NSD2: variants seen among roughly 807,000 people sequenced by gnomAD.
NSD2 encodes the protein nuclear receptor binding SET domain protein 2.
NSD2 carries 12 observed loss-of-function variants against 139.0 expected under a neutral mutation model. That is an observed-to-expected ratio of 0.09 (90% CI 0.06 to 0.14). The LOEUF is 0.14. NSD2 is among the 10% of genes least tolerant of loss of function. NSD2 has a pLI of 1.00. For missense variants in NSD2, 1,155 were observed against 1,745.0 expected (o/e 0.66, Z 6.02); for synonymous variants, 669 against 648.7 (o/e 1.03, Z -0.48).
At chr4:1,917,476 C>T (rs2108801825) in intron 4 of NSD2, among the ~76,000 whole-genome samples, 1 of 152,260 alleles carries the variant, frequency 6.6e-6, no homozygotes, top group South Asian at 2.1e-4. Context: ...ACTCTTGTCG[C>T]CCAGGCTGGA....
chr4:1,907,802 G>A (rs1718131605), intron 3 of NSD2, among the ~76,000 whole-genome samples: 1 of 152,040 alleles, frequency 6.6e-6, no homozygotes, highest in African/African-American at 2.4e-5. Context: ...TAGTACAAAT[G>A]GGGTTTCACC....
rs761314503 is a variant in NSD2 at position 1,981,154 on chromosome 4, A to G, written c.*2245A>G. The G allele has an allele frequency of 8.6e-6, 2 of 233,144 alleles. No individual in the cohort carries two copies. Among genetic ancestry groups the G allele is most frequent in the Non-Finnish European group, 1.7e-5 (2 of 118,050 alleles). The allele number at this position is 233,144 out of a possible 1,614,324, so 14.4% of individuals were successfully genotyped here. On this transcript the variant is annotated 3_prime_UTR_variant, in exon 22 of 22. Coordinates refer to ENST00000508803, the MANE Select transcript of NSD2 (RefSeq NM_001042424.3). ...TTTGATAATACTTCCAAATTTTATG[A>G]TTTTTCTGAAGGAAATAATGCAAAC...
At chr4:1,951,303 C>T (rs1010999989) in intron 10 of NSD2, 100 bp downstream of exon 10, 7 of 1,510,792 alleles carry the variant, frequency 4.6e-6, no homozygotes, top group African/African-American at 1.4e-5. Flanking sequence ...CCACCAGACC[C>T]CTTCCCCAAT....
chr4:1,892,429 C>A (rs1715651555), intron 1 of NSD2, among the ~76,000 whole-genome samples: 1 of 152,168 alleles, frequency 6.6e-6, no homozygotes, highest in South Asian at 2.1e-4. Context: ...AGCCCCTTAA[C>A]GTGTCAGGTA....
At chr4:1,947,860 A>G in intron 9 of NSD2, 1 of 1,053,094 alleles carries the variant, frequency 9.5e-7, no homozygotes, top group African/African-American at 1.7e-5. Context: ...AAAAATTAAA[A>G]ACTCAATGTG....
At chr4:1,928,547 A>G (rs187777470) in intron 5 of NSD2, among the ~76,000 whole-genome samples, 1 of 152,270 alleles carries the variant, frequency 6.6e-6, no homozygotes, top group African/African-American at 2.4e-5. Context: ...TTAACCTCAG[A>G]TGATGATGAC....
At chr4:1,975,665 G>A (rs1024671062) in intron 20 of NSD2, 9 of 398,974 alleles carry the variant, frequency 2.3e-5, no homozygotes, top group Admixed American at 1.6e-4. Flanking sequence ...GGGCAGGGCC[G>A]TGCGCCCTCT....
chr4:1,885,301 A>C (rs905745512), intron 1 of NSD2, among the ~76,000 whole-genome samples: 4 of 152,188 alleles, frequency 2.6e-5, no homozygotes, highest in African/African-American at 7.2e-5. Flanking sequence ...TAAAGGGCAG[A>C]AACAAGACAT....
intron 18 of NSD2, among the ~76,000 whole-genome samples, chr4:1,971,944 TCA>T (rs1023897211): frequency 2.0e-5 from 3 of 152,168 alleles, no homozygotes; most frequent in Non-Finnish European, 4.4e-5. Context: ...CAGCTGATGC[TCA>T]GTGAGCCAGA....
At chr4:1,887,195 G>A (rs1715178169) in intron 1 of NSD2, among the ~76,000 whole-genome samples, 1 of 152,198 alleles carries the variant, frequency 6.6e-6, no homozygotes, top group African/African-American at 2.4e-5. Flanking sequence ...ATTCTTCCCA[G>A]TGTGGTCTAT....
chr4:1,887,204 A>G lies in NSD2; in HGVS notation c.-29-13422A>G, dbSNP rs1277565631. Among the ~76,000 whole-genome samples the G allele has an allele frequency of 5.3e-5, 8 of 152,240 alleles. No homozygotes were observed. The East Asian group carries it at 1.2e-3, about 22-fold the overall frequency. On this transcript the variant is annotated intron_variant, in intron 1 of 21. Transcript: ENST00000508803. The stretch of plus-strand genomic sequence containing the variant: ...GGCTTCATTCTTCCCAGTGTGGTCT[A>G]TCCTATGAGGCTGCTTGGGCTTCCT...
chr4:1,939,845 G>A lies in NSD2; in HGVS notation c.1881+67G>A. 1.9e-6 allele frequency: 3 copies of A among 1,611,084 alleles called. No homozygotes were observed. The South Asian group carries it at 3.3e-5, about 18-fold the overall frequency. On this transcript the variant is annotated intron_variant, in intron 9 of 21. Coordinates refer to ENST00000508803, the MANE Select transcript of NSD2 (RefSeq NM_001042424.3). ...AGGCCATTTAGCTGCCCACGCTGCA[G>A]TGTGAGTAATGCTCAGACTTCATAA... is the stretch of plus-strand genomic sequence containing the variant.
rs570290544 is a variant in NSD2 at position 1,976,174 on chromosome 4, C to T, written c.3622-301C>T. ...GTTCTGCCTGTGGTGGCCTCCTTTG[C>T]CAGTGGGTCCCATCAGCAGATCCTG... On this transcript the variant is annotated intron_variant, in intron 20 of 21. Coordinates refer to ENST00000508803, the MANE Select transcript of NSD2 (RefSeq NM_001042424.3). This position sits in a 1 kb window ranked among gnomAD's most constrained non-coding sequence, Gnocchi z 5.3. Among the ~76,000 whole-genome samples the T allele has an allele frequency of 1.3e-5, 2 of 152,312 alleles. No individual in the cohort carries two copies. Among genetic ancestry groups the T allele is most frequent in the East Asian group, 3.9e-4 (2 of 5,168 alleles).
intron 18 of NSD2, among the ~76,000 whole-genome samples, chr4:1,967,832 T>A (rs187256536): frequency 5.3e-4 from 80 of 152,192 alleles, no homozygotes; most frequent in African/African-American, 1.6e-3. Flanking sequence ...AGGCAGCAGG[T>A]GGTTGGATGA....
intron 1 of NSD2, among the ~76,000 whole-genome samples, chr4:1,895,848 G>T (rs1446328374): frequency 1.3e-5 from 2 of 152,324 alleles, no homozygotes; most frequent in Admixed American, 1.3e-4. Context: ...CTCAAGGGTG[G>T]CTCTGTCACC....
intron 1 of NSD2, among the ~76,000 whole-genome samples, chr4:1,890,224 C>T (rs1342389036): frequency 6.6e-6 from 1 of 152,156 alleles, no homozygotes; most frequent in Non-Finnish European, 1.5e-5. Flanking sequence ...AGTTGATAGA[C>T]AGTTGGGTTG....
Position 1,942,466 on chromosome 4 carries a change from C to G in NSD2, c.1881+2688C>G, listed in dbSNP as rs1201668533. Reference sequence around the variant, plus strand: ...TCATCGTACACACTCAGTGACATTTCTATCACAATCATTTTATGGAAGATG... The same window carrying G: ...TCATCGTACACACTCAGTGACATTTGTATCACAATCATTTTATGGAAGATG... On this transcript the variant is annotated intron_variant, in intron 9 of 21. Coordinates refer to ENST00000508803, the MANE Select transcript of NSD2 (RefSeq NM_001042424.3). The surrounding 1 kb of genome is among the most constrained non-coding windows in gnomAD (Gnocchi z 4.0). 2 of 1,550,232 alleles carry G rather than the reference C, an allele frequency of 1.3e-6. No homozygotes were observed. Among genetic ancestry groups the G allele is most frequent in the Non-Finnish European group, 1.7e-6 (2 of 1,147,510 alleles).
chr4:1,935,190 C>T lies in NSD2; in HGVS notation c.1602C>T (p.Asp534=). Residue 534 remains aspartate (D), a synonymous_variant, in exon 7 of 22, where the codon GAC becomes GAT. Coordinates refer to ENST00000508803, the MANE Select transcript of NSD2 (RefSeq NM_001042424.3). ...GAAACCACACAAAGAGGATACAGGACCCTACAGAAGATGCTGAAGCTGAGG... is the reference window on the plus strand; with the variant it reads ...GAAACCACACAAAGAGGATACAGGATCCTACAGAAGATGCTGAAGCTGAGG... ...KKRNHTKRIQ[D]PTEDAEAEDT... 5 of 1,613,536 alleles carry T rather than the reference C, an allele frequency of 3.1e-6. No individual in the cohort carries two copies. The highest frequency in any genetic ancestry group is 4.2e-6 in the Non-Finnish European group (5 of 1,179,726).
rs997322032 is a variant in NSD2, at chr4:1,938,143, G to A, written c.1675-308G>A. On this transcript the variant is annotated intron_variant, in intron 7 of 21. Coordinates refer to ENST00000508803, the MANE Select transcript of NSD2 (RefSeq NM_001042424.3). ...GGTGTCTTAACCACATGACTGCAGC[G>A]GGTCTTGGCGTGGCCCCACCCACCT... 2.6e-5 allele frequency among the ~76,000 whole-genome samples: 4 copies of A among 152,158 alleles called. No individual in the cohort carries two copies. The South Asian group carries it at 8.3e-4, about 32-fold the overall frequency.
Sources: gnomAD v4.1 joint callset for allele counts (sites outside exome capture counted in the v4.1 genomes callset) on GRCh38, gnomAD v4.1.1 for gene constraint, Gnocchi (gnomAD v3.1) non-coding constraint, MANE v1.5 for transcripts, NCBI Gene and HGNC (gene_info 2026-07-23, HGNC 2026-07-21) for gene names.